PLCZ1: variants seen among roughly 807,000 people sequenced by gnomAD.
PLCZ1 encodes phospholipase C zeta 1.
PLCZ1 carries 64 observed loss-of-function variants against 76.8 expected under a neutral mutation model. That is an observed-to-expected ratio of 0.83 (90% CI 0.68 to 1.03). PLCZ1 has a LOEUF of 1.03. PLCZ1 is among the 50% of genes least tolerant of loss of function. The probability of loss-of-function intolerance (pLI) is 0.00; values close to 1 mark genes in which losing one functional copy is unlikely to be tolerated. For missense variants in PLCZ1, 751 were observed against 713.7 expected (o/e 1.05, Z -0.60); for synonymous variants, 248 against 230.8 (o/e 1.07, Z -0.68).
chr12:18,680,540 C>CT (rs1952317777), downstream of PLCZ1, among the ~76,000 whole-genome samples: 1 of 152,030 alleles, frequency 6.6e-6, no homozygotes, highest in African/African-American at 2.4e-5. Context: ...GGTAGAGAGA[C>CT]TGTACTCATC....
intron 3 of PLCZ1, among the ~76,000 whole-genome samples, chr12:18,725,677 T>C (rs1341561916): frequency 1.3e-5 from 2 of 152,176 alleles, no homozygotes; most frequent in African/African-American, 2.4e-5. Context: ...TCTGCTCTTA[T>C]CTTTTTCCTC....
At chr12:18,713,572 C>G (rs1957594515) in intron 5 of PLCZ1, among the ~76,000 whole-genome samples, 2 of 152,078 alleles carry the variant, frequency 1.3e-5, no homozygotes, top group South Asian at 4.1e-4. Context: ...GGTGAATCAG[C>G]AAATAATCCT....
intron 5 of PLCZ1, among the ~76,000 whole-genome samples, chr12:18,719,112 G>A (rs1386549047): frequency 6.6e-6 from 1 of 152,106 alleles, no homozygotes; most frequent in African/African-American, 2.4e-5. Context: ...AGCTAAATAA[G>A]AGTCTTCTTC....
chr12:18,695,976 A>G (rs1454443071), intron 11 of PLCZ1, among the ~76,000 whole-genome samples, 174 bp downstream of exon 11: 1 of 151,980 alleles, frequency 6.6e-6, no homozygotes, highest in Non-Finnish European at 1.5e-5. Flanking sequence ...TTCAACCCAG[A>G]TAGGAATGAC....
chr12:18,686,741 T>A (rs773845466), intron 13 of PLCZ1, among the ~76,000 whole-genome samples: 1 of 152,076 alleles, frequency 6.6e-6, no homozygotes, highest in African/African-American at 2.4e-5. Flanking sequence ...CACACTGAAC[T>A]ATAAACTATC....
At chr12:18,685,403 GT>G (rs1253228730) in intron 13 of PLCZ1, 1 of 180,932 alleles carries the variant, frequency 5.5e-6, no homozygotes, top group East Asian at 1.3e-4. Context: ...AGACTCAAAG[GT>G]TTGGAGAAGA....
chr12:18,726,254 A>G (rs900074059), intron 3 of PLCZ1, among the ~76,000 whole-genome samples: 3 of 152,184 alleles, frequency 2.0e-5, no homozygotes, highest in African/African-American at 4.8e-5. Context: ...GTTCACTACC[A>G]CCTTTAAAAT....
At chr12:18,723,177 A>C in intron 4 of PLCZ1, 134 bp downstream of exon 4, 1 of 720,144 alleles carries the variant, frequency 1.4e-6, no homozygotes, top group Non-Finnish European at 2.3e-6. Context: ...TTTCTCAAAG[A>C]TATTTGACCC....
At chr12:18,674,518 C>T in the PLCZ1 span, among the ~76,000 whole-genome samples, 2 of 152,108 alleles carry the variant, frequency 1.3e-5, no homozygotes, top group African/African-American at 4.8e-5. Flanking sequence ...TGAATGTCCT[C>T]CTAAACTCAG....
intron 13 of PLCZ1, among the ~76,000 whole-genome samples, chr12:18,685,121 T>G (rs557460058): frequency 1.1e-4 from 17 of 152,182 alleles, no homozygotes; most frequent in Middle Eastern, 3.4e-3. Context: ...AGTCTTATTA[T>G]GGGAAGAGTT....
Position 18,737,358 on chromosome 12 carries a change from T to A in PLCZ1, c.11+3A>T, listed in dbSNP as rs1251628196. Reference sequence around the variant, plus strand: ...GGAGCAGAAAGAAGCTCTCAATGGATATCTCATTTCCATAGTTTCATGACC... The same window carrying A: ...GGAGCAGAAAGAAGCTCTCAATGGAAATCTCATTTCCATAGTTTCATGACC... On this transcript the variant is annotated splice_donor_region_variant and intron_variant, in intron 2 of 14. Coordinates refer to ENST00000266505, the MANE Select transcript of PLCZ1 (RefSeq NM_033123.4). 1 of 1,612,714 alleles carries A rather than the reference T, an allele frequency of 6.2e-7. No individual in the cohort carries two copies. The highest frequency in any genetic ancestry group is 2.2e-5 in the East Asian group (1 of 44,856).
the PLCZ1 span, among the ~76,000 whole-genome samples, chr12:18,665,074 G>A: frequency 6.7e-5 from 10 of 150,320 alleles, no homozygotes; most frequent in African/African-American, 2.4e-4. Context: ...GAGTTGATGG[G>A]TGCAGCACAA....
At chr12:18,650,706 ATATATC>A in the PLCZ1 span, among the ~76,000 whole-genome samples, 733 of 8,286 alleles carry the variant, frequency 0.088, 80 homozygotes, top group Middle Eastern at 0.17. Context: ...GTGTGTGTGT[ATATATC>A]TATATATATA....
intron 9 of PLCZ1, among the ~76,000 whole-genome samples, chr12:18,700,410 G>A (rs773569334): frequency 5.4e-5 from 8 of 148,526 alleles, no homozygotes; most frequent in East Asian, 2.0e-4. Flanking sequence ...CTCAATCCAA[G>A]TATGAGTCAG....
the PLCZ1 span, among the ~76,000 whole-genome samples, chr12:18,654,494 G>A: frequency 6.6e-6 from 1 of 152,086 alleles, no homozygotes; most frequent in African/African-American, 2.4e-5. Flanking sequence ...AATGTGGTCC[G>A]ATTTCAGACC....
intron 5 of PLCZ1, 133 bp from the exon 6 acceptor site, chr12:18,713,119 T>C (rs961121225): frequency 8.9e-6 from 11 of 1,237,040 alleles, no homozygotes; most frequent in Non-Finnish European, 1.2e-5. Context: ...CTATAAAAAC[T>C]TGTCTTTGGG....
the PLCZ1 span, among the ~76,000 whole-genome samples, chr12:18,651,262 C>G: frequency 5.4e-3 from 828 of 152,062 alleles, 9 homozygotes; most frequent in African/African-American, 0.019. Context: ...TGCCTAGCTC[C>G]CTTACCTCTC....
At chr12:18,731,939 T>C (rs141062221) in intron 3 of PLCZ1, among the ~76,000 whole-genome samples, 19 of 152,288 alleles carry the variant, frequency 1.2e-4, no homozygotes, top group African/African-American at 4.3e-4. Context: ...GATGATTTTC[T>C]TTTGTGGAAT....
intron 3 of PLCZ1, among the ~76,000 whole-genome samples, chr12:18,733,718 G>A (rs948678868): frequency 6.6e-6 from 1 of 152,132 alleles, no homozygotes; most frequent in African/African-American, 2.4e-5. Flanking sequence ...TTATTGGAGA[G>A]ACTATCCTTT....
Sources: allele counts gnomAD v4.1 joint callset (sites outside exome capture counted in the v4.1 genomes callset), GRCh38; gene constraint gnomAD v4.1.1; transcripts MANE v1.5; gene names NCBI Gene and HGNC (gene_info 2026-07-23, HGNC 2026-07-21).